Variants in GRIP1 observed in about 807,000 individuals in gnomAD.
GRIP1 encodes glutamate receptor-interacting protein 1.
A neutral mutation model predicts 129.9 loss-of-function variants in GRIP1; 45 were observed. The ratio of observed to expected loss-of-function variants is 0.35; its 90% CI spans 0.27 to 0.44. GRIP1 has a LOEUF of 0.44. Ranked by LOEUF, GRIP1 falls within the 20% of genes least tolerant of loss-of-function variation. The pLI is 1.00. For missense variants in GRIP1, 1,196 were observed against 1,396.8 expected, an observed-to-expected ratio of 0.86 and a Z score of 2.29; for synonymous variants, 530 against 520.8, an observed-to-expected ratio of 1.02 and a Z score of -0.24.
At chr12:66,427,764 C>T (rs2058030303) in intron 14 of GRIP1, among the ~76,000 whole-genome samples, 1 of 152,100 alleles carries the variant, frequency 6.6e-6, no homozygotes, top group Non-Finnish European at 1.5e-5. Context: ...GAGAGAGTCA[C>T]GCCTAAAGGC....
intron 1 of GRIP1, among the ~76,000 whole-genome samples, chr12:66,690,729 A>C (rs1197796142): frequency 6.7e-6 from 1 of 149,636 alleles, no homozygotes; most frequent in Non-Finnish European, 1.5e-5. Flanking sequence ...ATTTTTTCAA[A>C]AAATTTTTTT....
At chr12:66,707,790 TAG>T (rs1207573074) in intron 1 of GRIP1, among the ~76,000 whole-genome samples, 3 of 152,010 alleles carry the variant, frequency 2.0e-5, no homozygotes, top group African/African-American at 7.2e-5. Flanking sequence ...CATCTTTTGC[TAG>T]AACAAGGTCC....
intron 7 of GRIP1, among the ~76,000 whole-genome samples, chr12:66,473,593 T>C (rs1241747424): frequency 2.6e-5 from 4 of 152,076 alleles, no homozygotes. Flanking sequence ...CCAGCTGGCA[T>C]CGGGTGGGTG....
At chr12:66,853,427 TCATTTTTGA>T (rs1406521774) in intron 1 of GRIP1, among the ~76,000 whole-genome samples, 4 of 152,024 alleles carry the variant, frequency 2.6e-5, no homozygotes, top group African/African-American at 9.7e-5. Context: ...TGACTGAACT[TCATTTTTGA>T]AAATTTATCT....
At chr12:66,363,215 A>ATATATATATATATATATATATT (rs2054908029) in intron 23 of GRIP1, among the ~76,000 whole-genome samples, 1 of 131,852 alleles carries the variant, frequency 7.6e-6, no homozygotes, top group Non-Finnish European at 1.6e-5. Flanking sequence ...ATATATATAT[A>ATATATATATATATATATATATT]TATATATATA....
chr12:66,860,115 G>A (rs573287015), intron 1 of GRIP1, among the ~76,000 whole-genome samples: 9 of 152,166 alleles, frequency 5.9e-5, no homozygotes, highest in African/African-American at 2.2e-4. Context: ...TCCTTGGTCC[G>A]GAAATCAACT....
At chr12:66,520,596 T>C (rs1168884889) in intron 5 of GRIP1, among the ~76,000 whole-genome samples, 1 of 152,204 alleles carries the variant, frequency 6.6e-6, no homozygotes, top group Non-Finnish European at 1.5e-5. Flanking sequence ...CAGGCAGTAT[T>C]CTAAGCTCAC....
chr12:66,566,052 T>C (rs1342015899), intron 2 of GRIP1, among the ~76,000 whole-genome samples: 1 of 152,206 alleles, frequency 6.6e-6, no homozygotes, highest in East Asian at 1.9e-4. Flanking sequence ...AAATATACAA[T>C]CATGTCATCT....
chr12:66,694,634 A>G (rs947583288), intron 1 of GRIP1, among the ~76,000 whole-genome samples: 1 of 152,226 alleles, frequency 6.6e-6, no homozygotes, highest in Non-Finnish European at 1.5e-5. Context: ...AGTATTTAGC[A>G]TAGTGCGTGA....
At chr12:66,471,312 G>A (rs75131989) in intron 7 of GRIP1, among the ~76,000 whole-genome samples, 184 of 152,316 alleles carry the variant, frequency 1.2e-3, no homozygotes, top group Middle Eastern at 3.4e-3. Flanking sequence ...TCCACTGCAA[G>A]CATGACACTG....
At chr12:66,842,673 G>C (rs1357886245) in intron 1 of GRIP1, among the ~76,000 whole-genome samples, 1 of 152,218 alleles carries the variant, frequency 6.6e-6, no homozygotes, top group Non-Finnish European at 1.5e-5. Context: ...CAATGGGACT[G>C]ATAGGGATGT....
At chr12:66,830,238 G>A (rs2137014212) in intron 1 of GRIP1, among the ~76,000 whole-genome samples, 1 of 152,292 alleles carries the variant, frequency 6.6e-6, no homozygotes, top group South Asian at 2.1e-4. Context: ...CCCAGAACCT[G>A]TGAATATGTT....
At chr12:66,949,900 C>G (rs185182666) in intron 1 of GRIP1, among the ~76,000 whole-genome samples, 10 of 151,692 alleles carry the variant, frequency 6.6e-5, no homozygotes, top group Non-Finnish European at 1.3e-4. Flanking sequence ...CCCCGAGTAG[C>G]TGGGACTACA....
intron 14 of GRIP1, among the ~76,000 whole-genome samples, chr12:66,423,062 C>T (rs1184086644): frequency 6.6e-6 from 1 of 152,148 alleles, no homozygotes. Context: ...CCAACACTTA[C>T]AAATTAGTAG....
At chr12:66,633,647 A>G (rs2031065909) in intron 1 of GRIP1, among the ~76,000 whole-genome samples, 1 of 152,192 alleles carries the variant, frequency 6.6e-6, no homozygotes, top group African/African-American at 2.4e-5. Flanking sequence ...ACAGAAAAGT[A>G]GAAATTTCCC....
chr12:66,890,966 T>G (rs1366644579), intron 1 of GRIP1, among the ~76,000 whole-genome samples: 1 of 152,192 alleles, frequency 6.6e-6, no homozygotes, highest in Non-Finnish European at 1.5e-5. Flanking sequence ...CATATGGATT[T>G]GAAAGGGAAA....
intron 7 of GRIP1, among the ~76,000 whole-genome samples, chr12:66,475,532 T>G (rs959904412): frequency 6.6e-6 from 1 of 152,212 alleles, no homozygotes; most frequent in Non-Finnish European, 1.5e-5. Context: ...TACATTCTTC[T>G]CAGCACCACA....
intron 1 of GRIP1, among the ~76,000 whole-genome samples, chr12:67,012,882 T>C (rs1565638625): frequency 6.6e-6 from 1 of 152,206 alleles, no homozygotes; most frequent in African/African-American, 2.4e-5. Flanking sequence ...GATGGAATGA[T>C]GAAGAAGTGT....
intron 1 of GRIP1, among the ~76,000 whole-genome samples, chr12:66,866,204 C>A (rs571891308): frequency 6.6e-6 from 1 of 152,180 alleles, no homozygotes. Flanking sequence ...CACAGTGGCT[C>A]ATGCCTATAA....
Sources: gnomAD v4.1 joint callset for allele counts (sites outside exome capture counted in the v4.1 genomes callset) on GRCh38, gnomAD v4.1.1 for gene constraint, MANE v1.5 for transcripts, NCBI Gene and HGNC (gene_info 2026-07-23, HGNC 2026-07-21) for gene names.